Variants in ESR1 observed in about 807,000 individuals in gnomAD.
ESR1 encodes the protein estrogen receptor.
ESR1 carries 12 observed loss-of-function variants against 52.7 expected under a neutral mutation model. That is an observed-to-expected ratio of 0.23 (90% CI 0.15 to 0.37). ESR1 has a LOEUF of 0.37. Ranked by LOEUF, ESR1 falls within the 10% of genes least tolerant of loss-of-function variation. The pLI is 1.00. For missense variants in ESR1, 584 were observed against 779.7 expected (o/e 0.75, Z 2.99); for synonymous variants, 305 against 316.8 (o/e 0.96, Z 0.39).
chr6:151,923,953 C>T (rs888079795), intron 3 of ESR1, among the ~76,000 whole-genome samples: 7 of 152,166 alleles, frequency 4.6e-5, no homozygotes, highest in East Asian at 3.8e-4. Context: ...TCTTGATGCT[C>T]GACATCCTTG....
upstream of ESR1, among the ~76,000 whole-genome samples, chr6:151,806,555 T>TATATATATATATATATATAC (rs1408302409): frequency 2.1e-5 from 3 of 142,684 alleles, no homozygotes; most frequent in East Asian, 4.1e-4. Flanking sequence ...TATATATATA[T>TATATATATATATATATATAC]ATACACATAT....
intron 1 of ESR1, among the ~76,000 whole-genome samples, chr6:151,691,907 G>T (rs1304204853): frequency 6.6e-6 from 1 of 152,208 alleles, no homozygotes; most frequent in Non-Finnish European, 1.5e-5. Context: ...GCCTTGGAAT[G>T]CATGCAGATA....
chr6:151,886,687 C>T lies in ESR1; in HGVS notation c.760+5916C>T, dbSNP rs1280433735. Among the ~76,000 whole-genome samples, 4 of 152,090 alleles carry T rather than the reference C, an allele frequency of 2.6e-5. No homozygotes were observed. The East Asian group carries it at 7.7e-4, about 29-fold the overall frequency. On this transcript the variant is annotated intron_variant, in intron 3 of 7. Transcript: ENST00000206249. ...AATTTGCTTTATTGATGGATAAACT[C>T]CCAACCTGGGGACTGCGATTGGAAT...
chr6:152,083,198 T>C (rs1171015105), intron 6 of ESR1, among the ~76,000 whole-genome samples: 1 of 152,174 alleles, frequency 6.6e-6, no homozygotes, highest in Non-Finnish European at 1.5e-5. Context: ...GGCATCACGC[T>C]ACCTGACTTC....
intron 4 of ESR1, among the ~76,000 whole-genome samples, chr6:151,963,644 G>T (rs1046648317): frequency 6.6e-6 from 1 of 152,036 alleles, no homozygotes; most frequent in Non-Finnish European, 1.5e-5. Context: ...TTTTCACTTT[G>T]TCAATTGTTT....
chr6:152,093,291 A>G (rs2050339127), intron 6 of ESR1, among the ~76,000 whole-genome samples: 1 of 151,680 alleles, frequency 6.6e-6, no homozygotes, highest in Non-Finnish European at 1.5e-5. Flanking sequence ...AAAACAAAAA[A>G]AAAAAACTAA....
chr6:152,107,794 G>C (rs1247022644), downstream of ESR1, among the ~76,000 whole-genome samples: 1 of 152,112 alleles, frequency 6.6e-6, no homozygotes, highest in Non-Finnish European at 1.5e-5. Flanking sequence ...TAACTCACCT[G>C]AATTAAATAT....
At chr6:152,073,536 T>G (rs1378679887) in intron 6 of ESR1, among the ~76,000 whole-genome samples, 3 of 152,226 alleles carry the variant, frequency 2.0e-5, no homozygotes, top group Non-Finnish European at 2.9e-5. Flanking sequence ...TCGCTGCCAC[T>G]TCTTCCTTTC....
At chr6:151,835,049 A>G (rs1055041612) in intron 1 of ESR1, among the ~76,000 whole-genome samples, 29 of 152,130 alleles carry the variant, frequency 1.9e-4, no homozygotes. Context: ...AGGAGCCAGC[A>G]AAGCTCCCTG....
chr6:152,109,839 AG>A (rs973281759), intron 6 of ESR1, among the ~76,000 whole-genome samples: 1 of 152,198 alleles, frequency 6.6e-6, no homozygotes, highest in African/African-American at 2.4e-5. Flanking sequence ...GTTGAAGGGA[AG>A]GGTGGGGAGA....
At chr6:151,806,352 A>G (rs1215785432), upstream of ESR1, among the ~76,000 whole-genome samples, 1 of 152,050 alleles carries the variant, frequency 6.6e-6, no homozygotes, top group East Asian at 1.9e-4. Context: ...GCATTTAGAT[A>G]GACCATGAAC....
intron 2 of ESR1, among the ~76,000 whole-genome samples, chr6:151,748,118 G>A (rs1357837751): frequency 3.3e-5 from 5 of 152,168 alleles, no homozygotes; most frequent in African/African-American, 1.2e-4. Context: ...TCCCTACACT[G>A]TCATGTACAC....
intron 4 of ESR1, among the ~76,000 whole-genome samples, chr6:151,980,937 T>C (rs1399775914): frequency 4.6e-5 from 7 of 152,128 alleles, no homozygotes; most frequent in Non-Finnish European, 4.4e-5. Context: ...CTCCTGACCT[T>C]GTGGTCCACC....
chr6:152,069,918 T>C (rs2048243061), intron 6 of ESR1, among the ~76,000 whole-genome samples: 1 of 137,678 alleles, frequency 7.3e-6, no homozygotes, highest in Non-Finnish European at 1.5e-5. Context: ...TCAAAGCTTA[T>C]GCTTTTGTTT....
intron 2 of ESR1, among the ~76,000 whole-genome samples, chr6:151,870,531 G>A (rs952455866): frequency 1.3e-5 from 2 of 152,160 alleles, no homozygotes; most frequent in Admixed American, 6.5e-5. Context: ...TTGTGAATGC[G>A]ACAGACCTGG....
intron 3 of ESR1, among the ~76,000 whole-genome samples, chr6:151,938,956 G>A (rs1291944089): frequency 6.6e-6 from 1 of 152,094 alleles, no homozygotes. Flanking sequence ...TTCAATAATT[G>A]TTAAGGTTAA....
At chr6:151,714,461 G>A (rs943996924) in intron 2 of ESR1, among the ~76,000 whole-genome samples, 1 of 152,268 alleles carries the variant, frequency 6.6e-6, no homozygotes, top group East Asian at 1.9e-4. Flanking sequence ...CTATTATTGT[G>A]TGAGAATCTA....
intron 6 of ESR1, among the ~76,000 whole-genome samples, chr6:152,081,253 A>C (rs1025533966): frequency 9.2e-5 from 14 of 152,188 alleles, no homozygotes; most frequent in Non-Finnish European, 1.9e-4. Flanking sequence ...AATGTAAAAG[A>C]ACAGAAGTCA....
rs137912104 is a variant in ESR1, at chr6:151,835,146, AT to A, written c.453-7450del. Among the ~76,000 whole-genome samples the A allele has an allele frequency of 2.9e-3, 445 of 152,286 alleles. 7 individuals carry two copies. The highest frequency in any genetic ancestry group is 0.027 in the East Asian group (142 of 5,176). On this transcript the variant is annotated intron_variant, in intron 1 of 7. Transcript: ENST00000206249. ...GGGTGCTCTAGGCACAGAGAACAAC[AT>A]GCTGGAATGCTTCTACTAGATCATA...
Sources: gnomAD v4.1 joint callset for allele counts (sites outside exome capture counted in the v4.1 genomes callset) on GRCh38, gnomAD v4.1.1 for gene constraint, MANE v1.5 for transcripts, NCBI Gene and HGNC (gene_info 2026-07-23, HGNC 2026-07-21) for gene names.